PTPRS: variants seen among roughly 807,000 people sequenced by gnomAD.
PTPRS encodes protein tyrosine phosphatase receptor type S.
In PTPRS, 63 loss-of-function variants were observed where a neutral mutation model predicts 215.3. The observed-to-expected ratio is 0.29, with a 90% CI of 0.24 to 0.36. The LOEUF is 0.36. Ranked by LOEUF, PTPRS falls within the 10% of genes least tolerant of loss-of-function variation. The pLI, the probability that PTPRS is intolerant of heterozygous loss-of-function variation, is 1.00. For missense variants in PTPRS, 2,258 were observed against 2,825.8 expected (o/e 0.80, Z 4.56); for synonymous variants, 1,404 against 1,191.4 (o/e 1.18, Z -3.68).
chr19:5,239,859 C>G (rs1345003086), intron 12 of PTPRS, among the ~76,000 whole-genome samples: 1 of 151,948 alleles, frequency 6.6e-6, no homozygotes, highest in Non-Finnish European at 1.5e-5. Flanking sequence ...CATAAACAGA[C>G]AGAAACAGAC....
chr19:5,221,368 C>T, intron 19 of PTPRS, 115 bp from the exon 20 acceptor site: 3 of 1,391,442 alleles, frequency 2.2e-6, no homozygotes, highest in South Asian at 2.9e-5. Context: ...GAATCCTGCC[C>T]TAGGCAGAAA....
Position 5,219,510 on chromosome 19 carries a change from T to G in PTPRS, c.3766-43A>C, listed in dbSNP as rs934489093. 7 of 1,519,302 alleles carry G rather than the reference T, an allele frequency of 4.6e-6. No individual in the cohort carries two copies. In the African/African-American group the frequency reaches 6.9e-5, roughly 15 times the overall value. The allele number at this position is 1,519,302 out of a possible 1,614,324, so 94.1% of individuals were successfully genotyped here. A position where few individuals can be genotyped will look rare whatever the true frequency, so the allele number is the denominator to read the frequency against. On this transcript the variant is annotated intron_variant, in intron 22 of 37. Coordinates refer to ENST00000262963, the MANE Select transcript of PTPRS (RefSeq NM_002850.4). ...GGGTCTCCATCAGTGTCCACCCTCC[T>G]TGTAGTGGCCAGATGGGTCTTTCTC... is the stretch of plus-strand genomic sequence containing the variant.
intron 13 of PTPRS, among the ~76,000 whole-genome samples, chr19:5,235,183 G>A (rs1200620953): frequency 6.6e-6 from 1 of 151,716 alleles, no homozygotes; most frequent in African/African-American, 2.4e-5. Context: ...CTCGTGATCC[G>A]CCCACCTCGG....
intron 1 of PTPRS, among the ~76,000 whole-genome samples, chr19:5,335,820 G>A (rs1217411936): frequency 6.6e-6 from 1 of 152,060 alleles, no homozygotes; most frequent in Non-Finnish European, 1.5e-5. Context: ...AAGGAAACAG[G>A]AAGCCGCACA....
chr19:5,305,246 C>T (rs546396296), intron 1 of PTPRS, among the ~76,000 whole-genome samples: 17 of 152,274 alleles, frequency 1.1e-4, no homozygotes, highest in African/African-American at 3.8e-4. Context: ...CTAAATTCTC[C>T]TCAGAACAGC....
intron 6 of PTPRS, among the ~76,000 whole-genome samples, chr19:5,261,608 C>G (rs1416516067): frequency 6.6e-6 from 1 of 152,166 alleles, no homozygotes; most frequent in African/African-American, 2.4e-5. Flanking sequence ...CAAGAAGATC[C>G]CAAGACCTCG....
intron 25 of PTPRS, among the ~76,000 whole-genome samples, chr19:5,217,814 A>G (rs1298650731): frequency 2.6e-5 from 4 of 152,208 alleles, no homozygotes; most frequent in Admixed American, 2.6e-4. Flanking sequence ...GCCCATGAAG[A>G]GGGAGGAGAT....
intron 4 of PTPRS, among the ~76,000 whole-genome samples, chr19:5,269,232 C>G (rs2046695490): frequency 6.6e-6 from 1 of 152,062 alleles, no homozygotes; most frequent in Non-Finnish European, 1.5e-5. Flanking sequence ...TGTATGTGGC[C>G]CCGCAGGGGT....
Position 5,223,303 on chromosome 19 carries a change from G to T in PTPRS, c.2495-6C>A, listed in dbSNP as rs2145424903. The T allele has an allele frequency of 1.4e-6, 2 of 1,450,806 alleles. No homozygotes were observed. The highest frequency in any genetic ancestry group is 1.8e-6 in the Non-Finnish European group (2 of 1,109,570). The allele number at this position is 1,450,806 out of a possible 1,614,324, so 89.9% of individuals were successfully genotyped here. On this transcript the variant is annotated splice_region_variant and splice_polypyrimidine_tract_variant and intron_variant, in intron 17 of 37. Transcript: ENST00000262963. ...CAGGGTTGGGCGGCCCAGCACTGCG[G>T]GGATACGGGGCAGGTGTCAGGGTCC...
rs929726711 is a variant in PTPRS, at chr19:5,237,786, T to C, written c.1849+1133A>G. ...CCTCACACAGACGCGCCCAGACGCC[T>C]TGGAGCCGCCAGGTGCTCAGCTCGG... is the stretch of plus-strand genomic sequence containing the variant. On this transcript the variant is annotated intron_variant, in intron 13 of 37. Coordinates refer to ENST00000262963, the MANE Select transcript of PTPRS (RefSeq NM_002850.4). The surrounding 1 kb of genome is among the most constrained non-coding windows in gnomAD (Gnocchi z 4.2). Among the ~76,000 whole-genome samples the C allele has an allele frequency of 3.9e-5, 6 of 152,140 alleles. No individual in the cohort carries two copies. In the East Asian group the frequency reaches 1.2e-3, roughly 29 times the overall value.
Position 5,215,332 on chromosome 19 carries a change from G to C in PTPRS, c.4275C>G (p.Val1425=), listed in dbSNP as rs746523284. Residue 1425 remains valine, a synonymous_variant, in exon 28 of 38, where the codon GTC becomes GTG. Coordinates refer to ENST00000262963, the MANE Select transcript of PTPRS (RefSeq NM_002850.4). The stretch of plus-strand genomic sequence containing the variant: ...TGACACGGGAGTGGTCATAGGCGAT[G>C]ACGTTGGCATAGCGGTTCTTCGGCT... ...VNKPKNRYAN[V]IAYDHSRVIL... The C allele has an allele frequency of 2.5e-6, 4 of 1,614,164 alleles. No individual in the cohort carries two copies. The highest frequency in any genetic ancestry group is 1.7e-4 in the Middle Eastern group (1 of 6,060).
At chr19:5,260,918 C>A in intron 6 of PTPRS, 96 bp from the exon 7 acceptor site, 3 of 1,422,960 alleles carry the variant, frequency 2.1e-6, no homozygotes, top group East Asian at 4.7e-5. Context: ...GTAAGCCAGG[C>A]CTCAGCACTC....
intron 1 of PTPRS, among the ~76,000 whole-genome samples, chr19:5,300,585 A>G (rs1177632508): frequency 6.6e-6 from 1 of 152,018 alleles, no homozygotes; most frequent in African/African-American, 2.4e-5. Flanking sequence ...AGCCTGGGCA[A>G]TATAGTGAGA....
At chr19:5,278,014 CCT>C in intron 2 of PTPRS, 1 of 1,234,686 alleles carries the variant, frequency 8.1e-7, no homozygotes. Flanking sequence ...AACAAATCTC[CCT>C]GTGCTGAGAT....
At chr19:5,296,332 C>T (rs1426713285) in intron 1 of PTPRS, among the ~76,000 whole-genome samples, 2 of 151,964 alleles carry the variant, frequency 1.3e-5, no homozygotes, top group African/African-American at 4.8e-5. Context: ...CCCATCATCT[C>T]TACAAAAACT....
chr19:5,265,678 G>C (rs565292119), intron 4 of PTPRS, among the ~76,000 whole-genome samples: 2 of 151,992 alleles, frequency 1.3e-5, no homozygotes, highest in East Asian at 3.9e-4. Flanking sequence ...GCTGGTGTCA[G>C]GGAGCTGAGC....
Position 5,215,462 on chromosome 19 carries a change from C to G in PTPRS, c.4194+36G>C, listed in dbSNP as rs774783322. On this transcript the variant is annotated intron_variant, in intron 27 of 37. Coordinates refer to ENST00000262963, the MANE Select transcript of PTPRS (RefSeq NM_002850.4). ...GTGTCAGGGTAGGTGCCTGTGAGGC[C>G]GAGGTGATGAGGGTGGGAGGCGGGG... The G allele has an allele frequency of 1.2e-5, 19 of 1,565,992 alleles. No individual in the cohort carries two copies. In the East Asian group the frequency reaches 3.8e-4, roughly 32 times the overall value.
At chr19:5,332,265 T>C (rs2050351589) in intron 1 of PTPRS, among the ~76,000 whole-genome samples, 2 of 152,132 alleles carry the variant, frequency 1.3e-5, no homozygotes, top group African/African-American at 4.8e-5. Context: ...GTAGCTGCGA[T>C]TACAGGTATG....
At chr19:5,265,954 C>T (rs118029228) in intron 4 of PTPRS, among the ~76,000 whole-genome samples, 9 of 152,066 alleles carry the variant, frequency 5.9e-5, no homozygotes, top group African/African-American at 2.2e-4. Flanking sequence ...AATTTTTAAA[C>T]AGAGAGATAT....
Sources: gnomAD v4.1 joint callset for allele counts (sites outside exome capture counted in the v4.1 genomes callset) on GRCh38, gnomAD v4.1.1 for gene constraint, Gnocchi (gnomAD v3.1) non-coding constraint, MANE v1.5 for transcripts, NCBI Gene and HGNC (gene_info 2026-07-23, HGNC 2026-07-21) for gene names.